Variants in OR51B5 observed in about 807,000 individuals in gnomAD.
OR51B5 encodes olfactory receptor family 51 subfamily B member 5.
For synonymous variants in OR51B5, 186 were observed against 144.8 expected, an observed-to-expected ratio of 1.28 and a Z score of -2.04; for missense variants, 456 against 374.6, an observed-to-expected ratio of 1.22 and a Z score of -1.79.
chr11:5,364,757 G>C lies in OR51B5; in HGVS notation n.85-17847C>G, dbSNP rs540853009. Among the ~76,000 whole-genome samples, 161 of 152,242 alleles carry C rather than the reference G, an allele frequency of 1.1e-3. 1 individual carries two copies. The highest frequency in any genetic ancestry group is 7.0e-3 in the South Asian group (34 of 4,824). ...TCAAAGTGAATGATCAAAGTCCCTT[G>C]TTTACAGGGTCCCCCCACCCTCTTC... is the stretch of plus-strand genomic sequence containing the variant. On this transcript the variant is annotated intron_variant and non_coding_transcript_variant, in intron 1 of 4. Transcript: ENST00000415970.
At chr11:5,486,150 C>T (rs558091132) in intron 1 of OR51B5, among the ~76,000 whole-genome samples, 2 of 136,226 alleles carry the variant, frequency 1.5e-5, no homozygotes, top group Non-Finnish European at 3.2e-5. Flanking sequence ...TGTTATTAAA[C>T]CTCTCAGTCT....
intron 1 of OR51B5, among the ~76,000 whole-genome samples, chr11:5,428,232 A>G (rs998894655): frequency 7.2e-5 from 11 of 152,158 alleles, no homozygotes; most frequent in African/African-American, 2.2e-4. Context: ...TGGAGATAAT[A>G]TGGGTACAGT....
chr11:5,372,093 A>G (rs1056540268), intron 1 of OR51B5, among the ~76,000 whole-genome samples: 6 of 152,140 alleles, frequency 3.9e-5, no homozygotes, highest in African/African-American at 1.2e-4. Flanking sequence ...TAATATTGTG[A>G]TATCATACAT....
At chr11:5,456,643 T>C (rs1273014512) in intron 1 of OR51B5, 1 of 152,190 alleles carries the variant, frequency 6.6e-6, no homozygotes, top group Non-Finnish European at 1.5e-5. Flanking sequence ...AGGCAGTACA[T>C]GTGCAGGTTT....
intron 1 of OR51B5, among the ~76,000 whole-genome samples, chr11:5,368,672 T>C (rs1294942804): frequency 6.6e-6 from 1 of 152,184 alleles, no homozygotes; most frequent in Non-Finnish European, 1.5e-5. Context: ...AAGCAGAGCA[T>C]AGTAGAGGTT....
chr11:5,390,533 A>G (rs963869262), intron 1 of OR51B5: 3 of 633,328 alleles, frequency 4.7e-6, no homozygotes, highest in South Asian at 5.0e-5. Flanking sequence ...TGTGGCTTTA[A>G]AAAACTGAAC....
rs1010920308 is a variant in OR51B5 at position 5,471,631 on chromosome 11, G to C, written n.84+33938C>G. ...AGCCTGGGTGACAGAGCAAGACTCT[G>C]TCTCAAAAAAAAAAAAAAAATTGAT... is the stretch of plus-strand genomic sequence containing the variant. On this transcript the variant is annotated intron_variant and non_coding_transcript_variant, in intron 1 of 4. Transcript: ENST00000415970. 6.2e-5 allele frequency among the ~76,000 whole-genome samples: 6 copies of C among 96,462 alleles called. 1 individual carries two copies. Among genetic ancestry groups the C allele is most frequent in the African/African-American group, 2.2e-4 (6 of 26,704 alleles). The allele number at this position is 96,462 out of a possible 152,430, so 63.3% of individuals were successfully genotyped here. A position where few individuals can be genotyped will look rare whatever the true frequency, so the allele number is the denominator to read the frequency against.
exon 1 of OR51B5, chr11:5,343,170 C>G (rs757980178): frequency 1.3e-5 from 21 of 1,613,768 alleles, no homozygotes; most frequent in Non-Finnish European, 1.8e-5. Context: ...ATAAAACGGT[C>G]ATAGGCCATG....
At chr11:5,492,683 C>A (rs1278171828) in intron 1 of OR51B5, among the ~76,000 whole-genome samples, 1 of 152,154 alleles carries the variant, frequency 6.6e-6, no homozygotes, top group Non-Finnish European at 1.5e-5. Flanking sequence ...GTTAATCAGG[C>A]GGGAGTACAG....
At chr11:5,505,330 AG>A (rs1277400087) in intron 1 of OR51B5, 2 of 1,303,796 alleles carry the variant, frequency 1.5e-6, no homozygotes, top group South Asian at 1.2e-5. Context: ...CCCCAGTCAG[AG>A]GCAGACCCAG....
At chr11:5,438,853 AG>A (rs757527409) in intron 1 of OR51B5, among the ~76,000 whole-genome samples, 4 of 152,216 alleles carry the variant, frequency 2.6e-5, no homozygotes, top group Non-Finnish European at 5.9e-5. Context: ...AATGGAGCAA[AG>A]CAGAGATAGA....
At chr11:5,461,266 A>G (rs1369005720) in intron 1 of OR51B5, among the ~76,000 whole-genome samples, 1 of 152,036 alleles carries the variant, frequency 6.6e-6, no homozygotes, top group East Asian at 1.9e-4. Context: ...CAGGGGGTGG[A>G]GGCGAGGCGC....
In OR51B5 at chr11:5,426,739, C is replaced by G. The variant is rs890660110; in HGVS notation, n.84+78830G>C. Among the ~76,000 whole-genome samples, 23 of 152,304 alleles carry G rather than the reference C, an allele frequency of 1.5e-4. 4 individuals carry two copies. Among genetic ancestry groups the G allele is most frequent in the Admixed American group, 9.2e-4 (14 of 15,298 alleles). On this transcript the variant is annotated intron_variant and non_coding_transcript_variant, in intron 1 of 4. Coordinates refer to the OR51B5 transcript ENST00000415970. ...TAAGCCTCAAAACCAAGGTCTCTCT[C>G]TGTCTCCCTGTTTTTCTCATCCCCT...
At chr11:5,343,031 A>G (rs756676634) in exon 1 of OR51B5, 1 of 1,613,926 alleles carries the variant, frequency 6.2e-7, no homozygotes, top group Non-Finnish European at 8.5e-7. Flanking sequence ...GTGACAATAC[A>G]GAAAAAAATA....
chr11:5,354,545 C>G (rs1849156608), intron 1 of OR51B5: 1 of 152,646 alleles, frequency 6.6e-6, no homozygotes. Flanking sequence ...GAGCAGAGCT[C>G]TGGGCTCCCG....
At chr11:5,423,271 A>T in intron 1 of OR51B5, 1 of 1,343,298 alleles carries the variant, frequency 7.4e-7, no homozygotes, top group East Asian at 2.5e-5. Context: ...CAGTATGACA[A>T]GTCCCTGGCT....
intron 1 of OR51B5, among the ~76,000 whole-genome samples, chr11:5,381,320 A>T (rs1030927012): frequency 6.6e-6 from 1 of 152,180 alleles, no homozygotes; most frequent in Non-Finnish European, 1.5e-5. Context: ...TTAAGGCCTG[A>T]ATGCCTCACA....
intron 1 of OR51B5, chr11:5,422,585 T>G: frequency 6.2e-7 from 1 of 1,614,210 alleles, no homozygotes; most frequent in South Asian, 1.1e-5. Flanking sequence ...TGTGGCCATC[T>G]GCTGTCCCCT....
chr11:5,493,401 T>C (rs1851605660), intron 1 of OR51B5, among the ~76,000 whole-genome samples: 1 of 152,198 alleles, frequency 6.6e-6, no homozygotes. Context: ...AATCTATCTA[T>C]ACCATTCTAA....
Sources: allele counts gnomAD v4.1 joint callset (sites outside exome capture counted in the v4.1 genomes callset), GRCh38; gene constraint gnomAD v4.1.1; transcripts MANE v1.5; gene names NCBI Gene and HGNC (gene_info 2026-07-23, HGNC 2026-07-21).